Variants in FSTL4 observed in about 807,000 individuals in gnomAD.
FSTL4 encodes follistatin-related protein 4.
Under a neutral mutation model 78.2 loss-of-function variants are expected in FSTL4, and 28 were observed. The observed-to-expected ratio is 0.36, with a 90% CI of 0.27 to 0.49. The LOEUF (loss-of-function observed/expected upper bound fraction) is 0.49, where lower values mean the gene tolerates loss of function less well. FSTL4 is among the 20% of genes least tolerant of loss of function. The pLI, the probability that FSTL4 is intolerant of heterozygous loss-of-function variation, is 0.98. For missense variants in FSTL4, 922 were observed against 1,084.9 expected (o/e 0.85, Z 2.11); for synonymous variants, 422 against 440.5 (o/e 0.96, Z 0.53).
chr5:133,813,776 T>G, the FSTL4 span, among the ~76,000 whole-genome samples: 1 of 152,234 alleles, frequency 6.6e-6, no homozygotes, highest in Non-Finnish European at 1.5e-5. Flanking sequence ...CCCATGGCAT[T>G]GCTACCATCA....
chr5:133,507,319 T>C (rs1407421106), intron 3 of FSTL4, among the ~76,000 whole-genome samples: 4 of 152,214 alleles, frequency 2.6e-5, no homozygotes, highest in South Asian at 2.1e-4. Context: ...CAGCTCTTGA[T>C]AATCTCCCCA....
At position 133,358,211 on chromosome 5, in the gene FSTL4, T is replaced by G. The variant is rs182702943; in HGVS notation, c.410-41559A>C. ...TCGGATAATCCAGGATAAACTCCCC[T>G]GGGTCTAGAGCCTTAACTTCACCTG... On this transcript the variant is annotated intron_variant, in intron 4 of 15. Transcript: ENST00000265342. 9.8e-5 allele frequency among the ~76,000 whole-genome samples: 15 copies of G among 152,306 alleles called. No individual in the cohort carries two copies. The East Asian group carries it at 2.7e-3, about 27-fold the overall frequency.
intron 3 of FSTL4, among the ~76,000 whole-genome samples, chr5:133,559,235 C>T (rs1759863030): frequency 6.6e-6 from 1 of 152,194 alleles, no homozygotes; most frequent in African/African-American, 2.4e-5. Context: ...GTGGATAGCA[C>T]ATTAATATGC....
chr5:133,614,710 A>G (rs1454555697), upstream of FSTL4, among the ~76,000 whole-genome samples: 1 of 152,196 alleles, frequency 6.6e-6, no homozygotes, highest in Non-Finnish European at 1.5e-5. Flanking sequence ...ACTTGCAAGC[A>G]TACTGATTCT....
chr5:133,714,336 G>T, the FSTL4 span, among the ~76,000 whole-genome samples: 1 of 152,124 alleles, frequency 6.6e-6, no homozygotes, highest in Admixed American at 6.5e-5. Context: ...TCAACTCTAT[G>T]ACTCACGTAC....
chr5:133,510,765 G>A lies in FSTL4; in HGVS notation c.160+56421C>T, dbSNP rs138277386. ...CCTTTCTGGAAGACAGGAGCTTTGC[G>A]ATCCTGTCCTCTGCCTCTACCGGTG... On this transcript the variant is annotated intron_variant, in intron 3 of 15. Coordinates refer to ENST00000265342, the MANE Select transcript of FSTL4 (RefSeq NM_015082.2). 1.5e-4 allele frequency among the ~76,000 whole-genome samples: 23 copies of A among 152,162 alleles called. 1 individual carries two copies. The highest frequency in any genetic ancestry group is 5.3e-4 in the African/African-American group (22 of 41,536).
At chr5:133,229,062 C>G (rs1322128552) in intron 8 of FSTL4, among the ~76,000 whole-genome samples, 1 of 152,124 alleles carries the variant, frequency 6.6e-6, no homozygotes, top group Non-Finnish European at 1.5e-5. Context: ...AATGGCCAGA[C>G]AGAAAATATA....
intron 3 of FSTL4, among the ~76,000 whole-genome samples, chr5:133,562,762 C>G (rs920603636): frequency 6.6e-6 from 1 of 152,216 alleles, no homozygotes; most frequent in Admixed American, 6.5e-5. Context: ...GCTTACAGAT[C>G]GTCCTATGCT....
At chr5:133,458,559 G>A (rs1323337810) in intron 3 of FSTL4, among the ~76,000 whole-genome samples, 1 of 152,236 alleles carries the variant, frequency 6.6e-6, no homozygotes, top group Non-Finnish European at 1.5e-5. Flanking sequence ...TAATGGGAAT[G>A]CCAGAGAGGT....
chr5:133,653,543 G>A, the FSTL4 span, among the ~76,000 whole-genome samples: 26 of 152,192 alleles, frequency 1.7e-4, no homozygotes, highest in African/African-American at 5.3e-4. Context: ...CTGCATCTTC[G>A]GCAGGAAATG....
At chr5:133,258,007 CT>C (rs1268661201) in intron 6 of FSTL4, among the ~76,000 whole-genome samples, 9 of 152,214 alleles carry the variant, frequency 5.9e-5, no homozygotes, top group African/African-American at 1.9e-4. Flanking sequence ...GATCCAGAAT[CT>C]CCTGAGCAAG....
chr5:133,810,310 G>A, the FSTL4 span, among the ~76,000 whole-genome samples: 1 of 152,256 alleles, frequency 6.6e-6, no homozygotes, highest in African/African-American at 2.4e-5. Context: ...CTTCCCAGGA[G>A]CCTGTGTCCA....
At chr5:133,801,843 G>A in the FSTL4 span, among the ~76,000 whole-genome samples, 1 of 152,226 alleles carries the variant, frequency 6.6e-6, no homozygotes, top group East Asian at 1.9e-4. Context: ...GAGGTGGCAA[G>A]TGGAGACCCT....
At chr5:133,448,562 C>T (rs1471455344) in intron 3 of FSTL4, among the ~76,000 whole-genome samples, 4 of 152,186 alleles carry the variant, frequency 2.6e-5, no homozygotes, top group African/African-American at 9.6e-5. Context: ...ACAAAGTGAA[C>T]GGCAGCAGTG....
At chr5:133,813,291 G>C in the FSTL4 span, among the ~76,000 whole-genome samples, 1 of 152,172 alleles carries the variant, frequency 6.6e-6, no homozygotes, top group Admixed American at 6.5e-5. Flanking sequence ...CTGAAATATT[G>C]CAATTTTTCA....
chr5:133,477,516 A>G (rs1374083461), intron 3 of FSTL4, among the ~76,000 whole-genome samples: 3 of 152,366 alleles, frequency 2.0e-5, no homozygotes, highest in Middle Eastern at 3.4e-3. Context: ...CCCAATTTAC[A>G]AATAAGGAAA....
At chr5:133,231,366 G>A (rs1341316569) in intron 8 of FSTL4, among the ~76,000 whole-genome samples, 1 of 151,962 alleles carries the variant, frequency 6.6e-6, no homozygotes, top group Non-Finnish European at 1.5e-5. Context: ...GACAGGGAGG[G>A]TCTACGTGGG....
At chr5:133,571,329 A>C (rs1760149936) in intron 2 of FSTL4, among the ~76,000 whole-genome samples, 1 of 152,200 alleles carries the variant, frequency 6.6e-6, no homozygotes, top group South Asian at 2.1e-4. Flanking sequence ...GTGGAAATCT[A>C]TAAAGTGATC....
the FSTL4 span, among the ~76,000 whole-genome samples, chr5:133,771,164 T>C: frequency 6.6e-6 from 1 of 152,058 alleles, no homozygotes; most frequent in East Asian, 1.9e-4. Context: ...TATGTTGCCT[T>C]CAGCTTTGTT....
Sources: gnomAD v4.1 joint callset for allele counts (sites outside exome capture counted in the v4.1 genomes callset) on GRCh38, gnomAD v4.1.1 for gene constraint, MANE v1.5 for transcripts, NCBI Gene and HGNC (gene_info 2026-07-23, HGNC 2026-07-21) for gene names.